The following FAM171A1 variants were observed in gnomAD, a reference collection of about 807,000 sequenced individuals.
The protein encoded by FAM171A1 is protein FAM171A1.
FAM171A1 carries 23 observed loss-of-function variants against 74.9 expected under a neutral mutation model. The observed-to-expected ratio is 0.31, with a 90% confidence interval of 0.22 to 0.44. The LOEUF (loss-of-function observed/expected upper bound fraction) is 0.44, where lower values mean the gene tolerates loss of function less well. FAM171A1 is among the 20% of genes least tolerant of loss of function. The pLI is 1.00. For synonymous variants in FAM171A1, 527 were observed against 505.7 expected (o/e 1.04, Z -0.57); for missense variants, 1,162 against 1,159.2 (o/e 1.00, Z -0.03).
In FAM171A1 at chr10:15,254,984, C is replaced by T. The variant is rs552896905; in HGVS notation, c.419-105G>A. On this transcript the variant is annotated intron_variant, in intron 3 of 7. Transcript: ENST00000378116. ...CTAAGGTTTCAGCACGCCTCCCCCA[C>T]CCTGCTCCCTCTCACAAGGCCTCCC... The T allele has an allele frequency of 3.0e-4, 303 of 1,012,730 alleles. 2 individuals carry two copies. The highest frequency in any genetic ancestry group is 4.1e-4 in the Non-Finnish European group (284 of 688,234). 62.7% of individuals were successfully genotyped at this position (1,012,730 alleles called of 1,614,324 possible).
At chr10:15,372,005 CA>C (rs1394760028), upstream of FAM171A1, among the ~76,000 whole-genome samples, 1 of 152,060 alleles carries the variant, frequency 6.6e-6, no homozygotes, top group Non-Finnish European at 1.5e-5. Context: ...GAGGAAACAT[CA>C]GGGGGAAGGG....
At chr10:15,309,105 C>T (rs1201251512) in intron 1 of FAM171A1, among the ~76,000 whole-genome samples, 1 of 152,208 alleles carries the variant, frequency 6.6e-6, no homozygotes, top group Non-Finnish European at 1.5e-5. Flanking sequence ...AGCTTTCTTG[C>T]TCATTTCTTA....
chr10:15,256,912 C>T (rs1426966609), intron 3 of FAM171A1, among the ~76,000 whole-genome samples: 1 of 152,200 alleles, frequency 6.6e-6, no homozygotes, highest in Non-Finnish European at 1.5e-5. Context: ...AGCCAGCATT[C>T]TTTCTCATCT....
Position 15,268,174 on chromosome 10 carries a change from T to C in FAM171A1, c.418+7681A>G, listed in dbSNP as rs533746486. On this transcript the variant is annotated intron_variant, in intron 3 of 7. Transcript: ENST00000378116. ...CCACCAGAGGCCCAGGGCCAGGGGA[T>C]TGTCCAGCCCTGAGTGGAAGGGGTT... is the stretch of plus-strand genomic sequence containing the variant. Among the ~76,000 whole-genome samples, 182 of 152,280 alleles carry C rather than the reference T, an allele frequency of 1.2e-3. 5 individuals are homozygous for C. The highest frequency in any genetic ancestry group is 3.4e-3 in the Middle Eastern group (1 of 294).
chr10:15,272,672 C>T (rs1181355638), intron 3 of FAM171A1, among the ~76,000 whole-genome samples: 5 of 152,184 alleles, frequency 3.3e-5, no homozygotes, highest in Non-Finnish European at 7.3e-5. Flanking sequence ...TGTAAAAGAA[C>T]AGAAATTATA....
intron 4 of FAM171A1, among the ~76,000 whole-genome samples, chr10:15,251,970 G>T (rs1830373930): frequency 6.6e-6 from 1 of 152,118 alleles, no homozygotes; most frequent in African/African-American, 2.4e-5. Flanking sequence ...CATCTACCTG[G>T]TCACTCGTCA....
intron 1 of FAM171A1, among the ~76,000 whole-genome samples, chr10:15,309,428 G>C (rs1042424956): frequency 6.6e-6 from 1 of 152,256 alleles, no homozygotes; most frequent in Non-Finnish European, 1.5e-5. Context: ...GGCTGGTCTT[G>C]AACTCCTGGT....
At chr10:15,369,135 A>G (rs552015934) in intron 1 of FAM171A1, among the ~76,000 whole-genome samples, 1 of 151,672 alleles carries the variant, frequency 6.6e-6, no homozygotes, top group Non-Finnish European at 1.5e-5. Flanking sequence ...ATAATATTCC[A>G]TTCCTGAGAG....
upstream of FAM171A1, among the ~76,000 whole-genome samples, chr10:15,372,118 T>G (rs1836157021): frequency 6.6e-6 from 1 of 152,068 alleles, no homozygotes; most frequent in Non-Finnish European, 1.5e-5. Context: ...GTAAACTGAC[T>G]TAGCAGGGTT....
intron 1 of FAM171A1, among the ~76,000 whole-genome samples, chr10:15,344,308 A>G (rs144886312): frequency 1.5e-3 from 224 of 152,336 alleles, no homozygotes; most frequent in Non-Finnish European, 2.7e-3. Context: ...TCTACCAGTT[A>G]TAAGGGTGGC....
intron 1 of FAM171A1, among the ~76,000 whole-genome samples, chr10:15,301,174 A>T (rs1835223437): frequency 6.6e-6 from 1 of 152,044 alleles, no homozygotes; most frequent in Non-Finnish European, 1.5e-5. Flanking sequence ...TATCTCTTTA[A>T]GGATGTTTCT....
chr10:15,367,827 A>G (rs990463153), intron 1 of FAM171A1, among the ~76,000 whole-genome samples: 2 of 152,218 alleles, frequency 1.3e-5, no homozygotes, highest in African/African-American at 4.8e-5. Flanking sequence ...CGACAAAATA[A>G]ACATCATCCA....
At chr10:15,271,471 T>C (rs1218196941) in intron 3 of FAM171A1, among the ~76,000 whole-genome samples, 1 of 152,186 alleles carries the variant, frequency 6.6e-6, no homozygotes, top group African/African-American at 2.4e-5. Flanking sequence ...CAGGATATTA[T>C]ACAGGAGAAC....
intron 5 of FAM171A1, among the ~76,000 whole-genome samples, chr10:15,229,569 A>T (rs1420497606): frequency 8.2e-6 from 1 of 121,334 alleles, no homozygotes; most frequent in Non-Finnish European, 1.7e-5. Context: ...CCCCATCACC[A>T]TCACCAACGT....
At chr10:15,303,746 C>T (rs7067549) in intron 1 of FAM171A1, among the ~76,000 whole-genome samples, 27 of 152,316 alleles carry the variant, frequency 1.8e-4, no homozygotes, top group African/African-American at 5.5e-4. Flanking sequence ...GGGTCACAGA[C>T]GTATATACTG....
chr10:15,214,210 A>C lies in FAM171A1; in HGVS notation c.1378T>G (p.Ser460Ala). The change falls in exon 8 of 8, where the codon TCA (serine) becomes GCA (alanine). Residue 460 changes from serine (S) to alanine (A), a missense_variant. Coordinates refer to ENST00000378116, the MANE Select transcript of FAM171A1 (RefSeq NM_001010924.2). Reference sequence around the variant, plus strand: ...GCCTTTAAGGGAAAAACCTCCACTGACTTATGGTAGTCTTTCCCCAGCGTC... The same window carrying C: ...GCCTTTAAGGGAAAAACCTCCACTGCCTTATGGTAGTCTTTCCCCAGCGTC... ...SGTLGKDYHK[S>A]VEVFPLKARK... 6.2e-7 allele frequency: 1 copy of C among 1,614,076 alleles called. No homozygotes were observed. Among genetic ancestry groups the C allele is most frequent in the Non-Finnish European group, 8.5e-7 (1 of 1,180,002 alleles).
At chr10:15,230,380 G>A (rs905588100) in intron 5 of FAM171A1, among the ~76,000 whole-genome samples, 1 of 152,156 alleles carries the variant, frequency 6.6e-6, no homozygotes, top group Admixed American at 6.5e-5. Flanking sequence ...AATCATTCTT[G>A]TTGAAAGCAA....
At chr10:15,341,265 G>T (rs1364116874) in intron 1 of FAM171A1, among the ~76,000 whole-genome samples, 3 of 152,132 alleles carry the variant, frequency 2.0e-5, no homozygotes, top group Admixed American at 2.0e-4. Context: ...AAACACCTCT[G>T]CTTAGCTTAC....
chr10:15,253,871 G>C (rs899880573), intron 4 of FAM171A1, among the ~76,000 whole-genome samples: 2 of 152,156 alleles, frequency 1.3e-5, no homozygotes, highest in African/African-American at 4.8e-5. Flanking sequence ...AGTGCAAAGG[G>C]GTCCAGAGAA....
Sources: gnomAD v4.1 joint callset for allele counts (sites outside exome capture counted in the v4.1 genomes callset) on GRCh38, gnomAD v4.1.1 for gene constraint, MANE v1.5 for transcripts, NCBI Gene and HGNC (gene_info 2026-07-23, HGNC 2026-07-21) for gene names.